TFAP2B: variants seen among roughly 807,000 people sequenced by gnomAD.
The protein encoded by TFAP2B is transcription factor AP-2 beta.
A neutral mutation model predicts 44.3 loss-of-function variants in TFAP2B; 9 were observed. That is an observed-to-expected ratio of 0.20 (90% CI 0.12 to 0.35). TFAP2B has a LOEUF of 0.35. Among genes scored for constraint, TFAP2B ranks in the 10% least tolerant of loss-of-function variants. TFAP2B has a pLI of 1.00. For missense variants in TFAP2B, 509 were observed against 600.0 expected (o/e 0.85, Z 1.59); for synonymous variants, 270 against 263.8 (o/e 1.02, Z -0.23).
chr6:50,835,468 A>C (rs1299180025), intron 3 of TFAP2B, among the ~76,000 whole-genome samples: 2 of 152,218 alleles, frequency 1.3e-5, no homozygotes, highest in African/African-American at 4.8e-5. Context: ...CCAGCTCCCC[A>C]GCTCAATGGT....
chr6:50,831,542 G>T (rs1446795268), intron 3 of TFAP2B, among the ~76,000 whole-genome samples: 1 of 151,990 alleles, frequency 6.6e-6, no homozygotes, highest in African/African-American at 2.4e-5. Flanking sequence ...GAAGGGGGCT[G>T]GTCAATGAGC....
intron 3 of TFAP2B, among the ~76,000 whole-genome samples, chr6:50,832,121 A>G (rs1192058754): frequency 6.6e-6 from 1 of 152,210 alleles, no homozygotes; most frequent in Non-Finnish European, 1.5e-5. Flanking sequence ...TCTGAACGGT[A>G]TGAGTTTCCT....
At chr6:50,818,830 T>G, upstream of TFAP2B, 1 of 1,514,678 alleles carries the variant, frequency 6.6e-7, no homozygotes, top group Non-Finnish European at 9.2e-7. Flanking sequence ...CCATTTCCAA[T>G]TATAGATGGA....
At chr6:50,828,379 C>G (rs955973056) in intron 2 of TFAP2B, among the ~76,000 whole-genome samples, 3 of 152,076 alleles carry the variant, frequency 2.0e-5, no homozygotes, top group Non-Finnish European at 2.9e-5. Context: ...ATAACTAAAC[C>G]AATGTTGCAT....
chr6:50,840,350 C>T, intron 6 of TFAP2B, 53 bp downstream of exon 6: 3 of 1,606,480 alleles, frequency 1.9e-6, no homozygotes, highest in Admixed American at 1.7e-5. Flanking sequence ...GCTAGGCCAC[C>T]CGACTTTGGA....
chr6:50,827,964 A>C (rs1279290680), intron 2 of TFAP2B, among the ~76,000 whole-genome samples: 2 of 152,086 alleles, frequency 1.3e-5, no homozygotes, highest in Non-Finnish European at 2.9e-5. Context: ...CTGCCTTCCT[A>C]ACAGGTGTGC....
chr6:50,834,035 T>C (rs1181012654), intron 3 of TFAP2B, among the ~76,000 whole-genome samples: 1 of 152,224 alleles, frequency 6.6e-6, no homozygotes, highest in African/African-American at 2.4e-5. Context: ...CAAGTTTTCA[T>C]AATGCCAACT....
chr6:50,819,134 C>T (rs903782229), intron 1 of TFAP2B, among the ~76,000 whole-genome samples, 162 bp downstream of exon 1: 1 of 152,010 alleles, frequency 6.6e-6, no homozygotes, highest in Non-Finnish European at 1.5e-5. Context: ...GGGAAGACTT[C>T]GCTGCTCTGA....
chr6:50,821,153 C>T (rs1770334929), intron 1 of TFAP2B, among the ~76,000 whole-genome samples: 1 of 152,030 alleles, frequency 6.6e-6, no homozygotes, highest in African/African-American at 2.4e-5. Context: ...CCTGGCTTTG[C>T]CTGGAAAGGA....
At position 50,845,219 on chromosome 6, in the gene TFAP2B, T is replaced by C. The variant is rs990124329; in HGVS notation, c.*1827T>C. ...AGATCTTTGCAATACCCCTTAAAGATAACGACATAGATGTTGTTCTGCAGG... is the reference window on the plus strand; with the variant it reads ...AGATCTTTGCAATACCCCTTAAAGACAACGACATAGATGTTGTTCTGCAGG... On this transcript the variant is annotated 3_prime_UTR_variant, in exon 7 of 7. Transcript: ENST00000393655. 5 of 152,200 alleles carry C rather than the reference T, an allele frequency of 3.3e-5. No homozygotes were observed. The highest frequency in any genetic ancestry group is 1.2e-4 in the African/African-American group (5 of 41,438). 9.4% of individuals were successfully genotyped at this position (152,200 alleles called of 1,614,324 possible).
At chr6:50,826,616 G>A (rs1770516218) in intron 2 of TFAP2B, among the ~76,000 whole-genome samples, 1 of 151,730 alleles carries the variant, frequency 6.6e-6, no homozygotes, top group Non-Finnish European at 1.5e-5. Flanking sequence ...TGGGGAGGGG[G>A]CTACAAGTGT....
chr6:50,838,350 G>T (rs1762662854), intron 5 of TFAP2B, among the ~76,000 whole-genome samples: 1 of 152,196 alleles, frequency 6.6e-6, no homozygotes, highest in East Asian at 1.9e-4. Flanking sequence ...CCAAGACAAA[G>T]CAGGGGTCAC....
intron 3 of TFAP2B, among the ~76,000 whole-genome samples, chr6:50,830,791 G>A (rs1264194009): frequency 6.6e-6 from 1 of 152,074 alleles, no homozygotes; most frequent in Admixed American, 6.5e-5. Context: ...CCCTTCCCCT[G>A]CACCCTAGTC....
rs2113929630 is a variant in TFAP2B at position 50,823,625 on chromosome 6, G to A, written c.300G>A (p.Gln100=). The stretch of plus-strand genomic sequence containing the variant: ...CCTACTCCCTGAACCCACTGCACCA[G>A]CCCCAGCAACATCCCTGGGGGCAAC... ...NDPYSLNPLH[Q]PQQHPWGQRQ... is the part of the protein sequence containing the mutation. Residue 100 remains glutamine (Q), a synonymous_variant, in exon 2 of 7, where the codon CAG becomes CAA. Coordinates refer to ENST00000393655, the MANE Select transcript of TFAP2B (RefSeq NM_003221.4). 6.2e-7 allele frequency: 1 copy of A among 1,613,980 alleles called. No homozygotes were observed. The highest frequency in any genetic ancestry group is 1.7e-5 in the Admixed American group (1 of 60,012).
intron 1 of TFAP2B, chr6:50,822,221 C>G (rs145150436): frequency 1.6e-6 from 2 of 1,234,760 alleles, no homozygotes; most frequent in African/African-American, 3.1e-5. Flanking sequence ...GTCTCTCTGT[C>G]TCTGCGTCTC....
intron 2 of TFAP2B, among the ~76,000 whole-genome samples, chr6:50,828,264 C>G (rs1770582367): frequency 6.6e-6 from 1 of 152,186 alleles, no homozygotes; most frequent in Non-Finnish European, 1.5e-5. Context: ...ACACAAATTG[C>G]TCTTACTAAT....
chr6:50,840,005 C>A, intron 5 of TFAP2B, 151 bp from the exon 6 acceptor site: 1 of 1,057,378 alleles, frequency 9.5e-7, no homozygotes, highest in Non-Finnish European at 1.4e-6. Context: ...GCTTGAGAAT[C>A]ATTTTTCCTT....
rs1331175548 is a variant in TFAP2B, at chr6:50,843,526, TTTAA to T, written c.*135_*138del. ...GGTAGAATACACATACAATCAAAAT[TTTAA>T]AAAAAAAAGCTAAATAACTTAAAAA... On this transcript the variant is annotated 3_prime_UTR_variant, in exon 7 of 7. Coordinates refer to ENST00000393655, the MANE Select transcript of TFAP2B (RefSeq NM_003221.4). The T allele has an allele frequency of 1.2e-6, 1 of 860,172 alleles. No individual in the cohort carries two copies. Among genetic ancestry groups the T allele is most frequent in the Non-Finnish European group, 1.6e-6 (1 of 608,400 alleles). 53.3% of individuals were successfully genotyped at this position (860,172 alleles called of 1,614,324 possible). A position where few individuals can be genotyped will look rare whatever the true frequency, so the allele number is the denominator to read the frequency against.
At chr6:50,831,020 G>A (rs939963351) in intron 3 of TFAP2B, among the ~76,000 whole-genome samples, 1 of 152,174 alleles carries the variant, frequency 6.6e-6, no homozygotes, top group African/African-American at 2.4e-5. Context: ...GGGTCTCTGA[G>A]TCTGTGTTTA....
Sources: gnomAD v4.1 joint callset for allele counts (sites outside exome capture counted in the v4.1 genomes callset) on GRCh38, gnomAD v4.1.1 for gene constraint, MANE v1.5 for transcripts, NCBI Gene and HGNC (gene_info 2026-07-23, HGNC 2026-07-21) for gene names.